The following LPIN2 variants were observed in gnomAD, a reference collection of about 807,000 sequenced individuals.
LPIN2 encodes phosphatidate phosphatase LPIN2.
In LPIN2, 55 loss-of-function variants were observed where a neutral mutation model predicts 111.4. The ratio of observed to expected loss-of-function variants is 0.49; its 90% CI spans 0.40 to 0.62. The LOEUF is 0.62. LPIN2 is among the 20% of genes least tolerant of loss of function. The pLI, the probability that LPIN2 is intolerant of heterozygous loss-of-function variation, is 0.00. For synonymous variants in LPIN2, 425 were observed against 414.0 expected, an observed-to-expected ratio of 1.03 and a Z score of -0.32; for missense variants, 992 against 1,112.1, an observed-to-expected ratio of 0.89 and a Z score of 1.54.
At chr18:3,003,808 A>G (rs976512976) in intron 1 of LPIN2, among the ~76,000 whole-genome samples, 4 of 152,336 alleles carry the variant, frequency 2.6e-5, no homozygotes, top group African/African-American at 9.6e-5. Flanking sequence ...GGAACAATGG[A>G]AGATAACCAT....
At chr18:3,003,897 A>G (rs964450326) in intron 1 of LPIN2, among the ~76,000 whole-genome samples, 3 of 152,194 alleles carry the variant, frequency 2.0e-5, no homozygotes, top group Non-Finnish European at 4.4e-5. Context: ...TGAACGTGTA[A>G]GTAGGAGAGA....
chr18:2,923,454 A>C (rs1423902740), intron 16 of LPIN2, among the ~76,000 whole-genome samples: 2 of 151,664 alleles, frequency 1.3e-5, no homozygotes, highest in African/African-American at 4.8e-5. Flanking sequence ...AAAAAATTTA[A>C]AATACCCAGA....
rs756325497 is a variant in LPIN2, at chr18:2,929,188, T to G, written c.1457-30A>C. On this transcript the variant is annotated intron_variant, in intron 9 of 19. Coordinates refer to ENST00000677752, the MANE Select transcript of LPIN2 (RefSeq NM_001375808.2). ...AATGTAAAATAATAATCAATTTGGT[T>G]AGAGATTACATAAATCCCTATATGA... 2.1e-5 allele frequency: 28 copies of G among 1,331,386 alleles called. No individual in the cohort carries two copies. In the South Asian group the frequency reaches 3.2e-4, roughly 15 times the overall value. 82.5% of individuals were successfully genotyped at this position (1,331,386 alleles called of 1,614,324 possible).
intron 1 of LPIN2, among the ~76,000 whole-genome samples, chr18:2,978,740 T>C (rs969468828): frequency 6.6e-6 from 1 of 152,224 alleles, no homozygotes; most frequent in African/African-American, 2.4e-5. Context: ...CTGGGAAATC[T>C]GTATTTTCTT....
intron 1 of LPIN2, among the ~76,000 whole-genome samples, chr18:3,006,707 G>C (rs1267138626): frequency 6.6e-6 from 1 of 152,102 alleles, no homozygotes; most frequent in Non-Finnish European, 1.5e-5. Flanking sequence ...CGTGGTGGCG[G>C]GAGCCTGTAG....
intron 4 of LPIN2, chr18:2,946,409 C>T (rs773001162): frequency 2.0e-6 from 3 of 1,463,478 alleles, no homozygotes; most frequent in South Asian, 1.1e-5. Context: ...TCTTCTCTTA[C>T]AGCAAGACCA....
chr18:2,945,772 C>CCAG, intron 4 of LPIN2: 7 of 1,240,424 alleles, frequency 5.6e-6, no homozygotes, highest in Non-Finnish European at 8.3e-6. Context: ...CTATTTGCTT[C>CCAG]TACTCGACTA....
At chr18:2,975,063 C>T (rs12454079) in intron 1 of LPIN2, among the ~76,000 whole-genome samples, 19,513 of 152,170 alleles carry the variant, frequency 0.13, 1,821 homozygotes, top group East Asian at 0.46. Flanking sequence ...TGATTTAATC[C>T]TCACAACTAG....
At chr18:3,010,468 T>C (rs905728480) in intron 1 of LPIN2, among the ~76,000 whole-genome samples, 1 of 152,002 alleles carries the variant, frequency 6.6e-6, no homozygotes, top group Non-Finnish European at 1.5e-5. Flanking sequence ...CTGGGTCTCA[T>C]TGAGAAGTAT....
At chr18:2,960,586 G>A in intron 2 of LPIN2, 63 bp downstream of exon 2, 1 of 1,526,724 alleles carries the variant, frequency 6.5e-7, no homozygotes, top group Non-Finnish European at 9.1e-7. Context: ...TACTCCTTGA[G>A]GACACTCACT....
rs377113126 is a variant in LPIN2, at chr18:2,960,646, C to T, written c.192+3G>A. ...GACTTTTCCTCTCCTTGAGGACACT[C>T]ACCACTTTCTCTTTGGATCTCAGGA... On this transcript the variant is annotated splice_donor_region_variant and intron_variant, in intron 2 of 19. Coordinates refer to ENST00000677752, the MANE Select transcript of LPIN2 (RefSeq NM_001375808.2). 1.7e-5 allele frequency: 28 copies of T among 1,613,852 alleles called. No homozygotes were observed. In the African/African-American group the frequency reaches 2.7e-4, roughly 15 times the overall value.
rs778381907 is a variant in LPIN2, at chr18:2,920,260, G to T, written c.*33C>A. The stretch of plus-strand genomic sequence containing the variant: ...TGCCTTCCCTTGCTGTGGGGAGGGG[G>T]ACCAAGCCCTGCCCACCCACTGAGG... On this transcript the variant is annotated 3_prime_UTR_variant, in exon 20 of 20. Transcript: ENST00000677752. 2.5e-6 allele frequency: 4 copies of T among 1,613,686 alleles called. No homozygotes were observed. The highest frequency in any genetic ancestry group is 1.7e-5 in the Admixed American group (1 of 60,018).
At chr18:2,997,421 C>G (rs111875553) in intron 1 of LPIN2, among the ~76,000 whole-genome samples, 18 of 48,630 alleles carry the variant, frequency 3.7e-4, no homozygotes, top group African/African-American at 7.1e-4. Flanking sequence ...GCCACTGCAC[C>G]TGGCAGAGGC....
At chr18:3,001,019 T>G (rs557328542) in intron 1 of LPIN2, among the ~76,000 whole-genome samples, 1 of 151,774 alleles carries the variant, frequency 6.6e-6, no homozygotes, top group Non-Finnish European at 1.5e-5. Flanking sequence ...GACTTGAGAC[T>G]TCTCAAAAAA....
At chr18:2,946,397 G>C in intron 4 of LPIN2, 1 of 1,480,420 alleles carries the variant, frequency 6.8e-7, no homozygotes, top group Non-Finnish European at 9.4e-7. Context: ...AAAATCAGTT[G>C]TTCTTCTCTT....
chr18:2,952,202 G>A lies in LPIN2; in HGVS notation c.289-846C>T, dbSNP rs1053443955. Reference sequence around the variant, plus strand: ...AGCACTTTGGGAGGCAGAGGCAGGCGGATCACCTGAGGTCAGGAGTTTGAG... The same window carrying A: ...AGCACTTTGGGAGGCAGAGGCAGGCAGATCACCTGAGGTCAGGAGTTTGAG... On this transcript the variant is annotated intron_variant, in intron 3 of 19. Transcript: ENST00000677752. Among the ~76,000 whole-genome samples the A allele has an allele frequency of 1.1e-4, 16 of 152,272 alleles. No individual in the cohort carries two copies. The East Asian group carries it at 1.7e-3, about 17-fold the overall frequency.
In LPIN2 at chr18:2,924,436, G is replaced by C. The variant is rs1368137878; in HGVS notation, c.2049C>G (p.Asp683Glu). ...CATCAATATCAGAAATGATGATCTT[G>C]TCATTCCAGTTCCACAGGTAAATGG... ...AGTIYLWNWN[D>E]KIIISDIDGT... Residue 683 changes from aspartate to glutamate, a missense_variant, in exon 15 of 20, where the codon GAC becomes GAG. By Grantham distance (45) the Asp-to-Glu change is conservative. Coordinates refer to ENST00000677752, the MANE Select transcript of LPIN2 (RefSeq NM_001375808.2). 14 of 1,614,174 alleles carry C rather than the reference G, an allele frequency of 8.7e-6. No individual in the cohort carries two copies. In the East Asian group the frequency reaches 3.1e-4, roughly 36 times the overall value.
At chr18:2,920,694 C>T (rs1238170696) in intron 19 of LPIN2, 84 bp downstream of exon 19, 1 of 1,037,492 alleles carries the variant, frequency 9.6e-7, no homozygotes, top group Non-Finnish European at 1.5e-6. Flanking sequence ...TCTCAAGGAT[C>T]AGGGGGAAAA....
intron 4 of LPIN2, chr18:2,946,416 A>C (rs759553212): frequency 6.8e-7 from 1 of 1,465,622 alleles, no homozygotes; most frequent in South Asian, 1.1e-5. Flanking sequence ...TTACAGCAAG[A>C]CCAACCCTTT....
Sources: allele counts gnomAD v4.1 joint callset (sites outside exome capture counted in the v4.1 genomes callset), GRCh38; gene constraint gnomAD v4.1.1; transcripts MANE v1.5; gene names NCBI Gene and HGNC (gene_info 2026-07-23, HGNC 2026-07-21).